PANK3: variants seen among roughly 807,000 people sequenced by gnomAD.
The protein encoded by PANK3 is hPanK3.
A neutral mutation model predicts 39.4 loss-of-function variants in PANK3; 20 were observed. The ratio of observed to expected loss-of-function variants is 0.51; its 90% confidence interval spans 0.36 to 0.74. PANK3 has a LOEUF of 0.74. Ranked by LOEUF, PANK3 falls within the 30% of genes least tolerant of loss-of-function variation. The pLI, the probability that PANK3 is intolerant of heterozygous loss-of-function variation, is 0.00. For synonymous variants in PANK3, 140 were observed against 157.3 expected (o/e 0.89, Z 0.82); for missense variants, 265 against 437.0 (o/e 0.61, Z 3.51).
chr5:168,574,822 C>T (rs1225828018), intron 1 of PANK3, among the ~76,000 whole-genome samples: 1 of 152,130 alleles, frequency 6.6e-6, no homozygotes, highest in African/African-American at 2.4e-5. Context: ...CATCATACCA[C>T]TGCACTCCAG....
intron 4 of PANK3, 136 bp downstream of exon 4, chr5:168,563,753 C>A (rs187185135): frequency 6.2e-6 from 4 of 646,224 alleles, no homozygotes; most frequent in Admixed American, 8.0e-5. Context: ...TAAATGACAT[C>A]AATGTTCAAA....
chr5:168,567,348 T>G (rs1039809941), intron 2 of PANK3, among the ~76,000 whole-genome samples: 9 of 152,234 alleles, frequency 5.9e-5, no homozygotes, highest in African/African-American at 2.2e-4. Flanking sequence ...TAGATTAATT[T>G]CTGATTAATA....
In PANK3 at chr5:168,579,250, T is replaced by C; in HGVS notation, c.28+6A>G. 1 of 1,495,746 alleles carries C rather than the reference T, an allele frequency of 6.7e-7. No individual in the cohort carries two copies. The highest frequency in any genetic ancestry group is 2.4e-5 in the Admixed American group (1 of 42,324). 92.7% of individuals were successfully genotyped at this position (1,495,746 alleles called of 1,614,324 possible). Reference sequence around the variant, plus strand: ...CCAACCTGGCGGGCCCCAGCCCCCGTCTTACAGGGTTTCTTGGCATCTTTG... The same window carrying C: ...CCAACCTGGCGGGCCCCAGCCCCCGCCTTACAGGGTTTCTTGGCATCTTTG... On this transcript the variant is annotated splice_donor_region_variant and intron_variant, in intron 1 of 6. Coordinates refer to ENST00000239231, the MANE Select transcript of PANK3 (RefSeq NM_024594.4).
At position 168,559,169 on chromosome 5, in the gene PANK3, G is replaced by T. The variant is rs770195290; in HGVS notation, c.937-12C>A. 14 of 1,452,010 alleles carry T rather than the reference G, an allele frequency of 9.6e-6. No individual in the cohort carries two copies. The East Asian group carries it at 3.3e-4, about 35-fold the overall frequency. The allele number at this position is 1,452,010 out of a possible 1,614,324, so 89.9% of individuals were successfully genotyped here. On this transcript the variant is annotated splice_polypyrimidine_tract_variant and intron_variant, in intron 5 of 6. Transcript: ENST00000239231. ...ACTCTGTTTATTTTCTAAAAGAAAA[G>T]AACAAAGAAAAAACTTGTAAAAATA...
chr5:168,571,566 C>G (rs1759630846), intron 1 of PANK3, among the ~76,000 whole-genome samples: 1 of 152,146 alleles, frequency 6.6e-6, no homozygotes, highest in South Asian at 2.1e-4. Flanking sequence ...ACTCAAGATA[C>G]ATGGATTAAA....
At chr5:168,566,658 G>A (rs1759540279) in intron 2 of PANK3, among the ~76,000 whole-genome samples, 1 of 152,166 alleles carries the variant, frequency 6.6e-6, no homozygotes, top group South Asian at 2.1e-4. Flanking sequence ...TCTGAGGCTA[G>A]AGAATAACAA....
At chr5:168,562,261 T>C (rs1582462931) in intron 4 of PANK3, among the ~76,000 whole-genome samples, 1 of 151,964 alleles carries the variant, frequency 6.6e-6, no homozygotes, top group African/African-American at 2.4e-5. Context: ...AACAAAAAAA[T>C]ATCTTTTATT....
At chr5:168,577,582 TC>T (rs1759749021) in intron 1 of PANK3, among the ~76,000 whole-genome samples, 1 of 151,738 alleles carries the variant, frequency 6.6e-6, no homozygotes, top group Non-Finnish European at 1.5e-5. Context: ...CCAGCGATTC[TC>T]CCGCCTCGGC....
Position 168,568,898 on chromosome 5 carries a change from C to G in PANK3, c.129G>C (p.Glu43Asp). 6.2e-7 allele frequency: 1 copy of G among 1,612,638 alleles called. No individual in the cohort carries two copies. Among genetic ancestry groups the G allele is most frequent in the Non-Finnish European group, 8.5e-7 (1 of 1,179,662 alleles). Reference protein sequence around the residue: ...ITAEEEQEEVESLKSIRKYLT... With the variant: ...ITAEEEQEEVDSLKSIRKYLT... ...AATATTTCCGAATACTTTTTAAACT[C>G]TCAACTTCTTCTTGCTCTTCCTCTG... Residue 43 changes from glutamate (E) to aspartate (D), a missense_variant, in exon 2 of 7, where the codon GAG becomes GAC. By Grantham distance (45) the Glu-to-Asp change is conservative (BLOSUM62 2). Around this residue, in one of 3 missense-constraint regions of PANK3, gnomAD observed 154 missense variants for 256.8 expected, o/e 0.60. Coordinates refer to ENST00000239231, the MANE Select transcript of PANK3 (RefSeq NM_024594.4).
intron 1 of PANK3, among the ~76,000 whole-genome samples, 182 bp from the exon 2 acceptor site, chr5:168,569,180 GTTTT>G (rs544747926): frequency 8.6e-6 from 1 of 115,938 alleles, no homozygotes; most frequent in Non-Finnish European, 1.7e-5. Context: ...TCCCTTCAAA[GTTTT>G]TTTTTTTTTT....
At position 168,564,345 on chromosome 5, in the gene PANK3, C is replaced by T. The variant is rs185605715; in HGVS notation, c.636-280G>A. 1.9e-3 allele frequency among the ~76,000 whole-genome samples: 289 copies of T among 152,278 alleles called. 1 individual carries two copies. Among genetic ancestry groups the T allele is most frequent in the Middle Eastern group, 0.01 (3 of 294 alleles). On this transcript the variant is annotated intron_variant, in intron 3 of 6. Transcript: ENST00000239231. ...CAAAGTCTTCACCTAATACCTTACA[C>T]TCTGTAGTTACCAAAGATAAATTGT...
rs753915505 is a variant in PANK3, at chr5:168,563,909, T to C, written c.792A>G (p.Pro264=). 18 of 1,610,236 alleles carry C rather than the reference T, an allele frequency of 1.1e-5. No homozygotes were observed. Among genetic ancestry groups the C allele is most frequent in the Admixed American group, 1.7e-5 (1 of 59,292 alleles). The change falls in exon 4 of 7, where the codon CCA becomes CCG. Residue 264 remains proline, a synonymous_variant. Transcript: ENST00000239231. Reference sequence around the variant, plus strand: ...CTTACCTAGATGCTACAGCCCAACCTGGCAAACCAAATCTTTCATAATCTC... The same window carrying C: ...CTTACCTAGATGCTACAGCCCAACCCGGCAAACCAAATCTTTCATAATCTC... The part of the protein sequence containing the change: ...YGGDYERFGL[P]GWAVASSFGN...
Position 168,572,487 on chromosome 5 carries a change from G to A in PANK3, c.29-3489C>T, listed in dbSNP as rs543952135. ...GATAGGCAGTGGAGTTAGGAGCAAT[G>A]TTTTGAGGGCAGGGGGTGGATCTCA... is the stretch of plus-strand genomic sequence containing the variant. On this transcript the variant is annotated intron_variant, in intron 1 of 6. Transcript: ENST00000239231. Among the ~76,000 whole-genome samples the A allele has an allele frequency of 2.0e-5, 3 of 151,484 alleles. No individual in the cohort carries two copies. In the South Asian group the frequency reaches 6.2e-4, roughly 32 times the overall value.
intron 1 of PANK3, 130 bp from the exon 2 acceptor site, chr5:168,569,128 T>C (rs1011841739): frequency 1.7e-5 from 4 of 242,208 alleles, no homozygotes; most frequent in Non-Finnish European, 2.9e-5. Context: ...GGCAATAATA[T>C]GTATTGGGTA....
intron 1 of PANK3, among the ~76,000 whole-genome samples, chr5:168,570,415 A>C (rs943103914): frequency 1.3e-5 from 2 of 151,800 alleles, no homozygotes; most frequent in South Asian, 2.1e-4. Flanking sequence ...AAAGAAAGAA[A>C]GAAAGAAAAT....
At chr5:168,569,030 A>ATATAT (rs1554125889) in intron 1 of PANK3, 32 bp from the exon 2 acceptor site, 76 of 120,288 alleles carry the variant, frequency 6.3e-4, no homozygotes, top group African/African-American at 4.6e-3. Flanking sequence ...AAAAAAAAAA[A>ATATAT]ATATATATAT....
chr5:168,549,639 G>A lies in PANK3; in HGVS notation c.*7932C>T, dbSNP rs1440298423. The A allele has an allele frequency of 6.6e-6, 1 of 152,142 alleles. No individual in the cohort carries two copies. The highest frequency in any genetic ancestry group is 1.5e-5 in the Non-Finnish European group (1 of 68,026). The allele number at this position is 152,142 out of a possible 1,614,324, so 9.4% of individuals were successfully genotyped here. ...TCTTTTAAATGCAAAATTAGTGGCAGTTGCAGCAAAAACGCCGAAATTCTA... is the reference window on the plus strand; with the variant it reads ...TCTTTTAAATGCAAAATTAGTGGCAATTGCAGCAAAAACGCCGAAATTCTA... On this transcript the variant is annotated 3_prime_UTR_variant, in exon 7 of 7. Transcript: ENST00000239231.
In PANK3 at chr5:168,564,057, C is replaced by G; in HGVS notation, c.644G>C (p.Gly215Ala). ...YKRVTGTSLGGGTFLGLCSLL... is the reference protein window; with the variant it reads ...YKRVTGTSLGAGTFLGLCSLL... Reference sequence around the variant, plus strand: ...ACTGCATAAACCCAGAAAGGTACCCCCTCCAAGGCTAAAGAAAATAAAGAA... The same window carrying G: ...ACTGCATAAACCCAGAAAGGTACCCGCTCCAAGGCTAAAGAAAATAAAGAA... Residue 215 changes from glycine to alanine, a missense_variant, in exon 4 of 7, where the codon GGG (glycine) becomes GCG (alanine). By Grantham distance (60) the Gly-to-Ala change is moderately conservative. Coordinates refer to ENST00000239231, the MANE Select transcript of PANK3 (RefSeq NM_024594.4). 3 of 1,591,706 alleles carry G rather than the reference C, an allele frequency of 1.9e-6. No individual in the cohort carries two copies. The highest frequency in any genetic ancestry group is 2.6e-6 in the Non-Finnish European group (3 of 1,173,298).
chr5:168,578,166 T>A (rs1759757806), intron 1 of PANK3, among the ~76,000 whole-genome samples: 1 of 152,236 alleles, frequency 6.6e-6, no homozygotes, highest in Non-Finnish European at 1.5e-5. Context: ...GGTTGGTACA[T>A]GCTTGGAAAA....
Sources: allele counts gnomAD v4.1 joint callset (sites outside exome capture counted in the v4.1 genomes callset), GRCh38; gene constraint gnomAD v4.1.1; regional missense constraint gnomAD v4.1.1; transcripts MANE v1.5; gene names NCBI Gene and HGNC (gene_info 2026-07-23, HGNC 2026-07-21).